TSBP1: variants seen among roughly 807,000 people sequenced by gnomAD.
The protein encoded by TSBP1 is testis-expressed basic protein 1.
Under a neutral mutation model 68.8 loss-of-function variants are expected in TSBP1, and 56 were observed. The observed-to-expected ratio is 0.81, with a 90% confidence interval of 0.66 to 1.02. The LOEUF (loss-of-function observed/expected upper bound fraction) is 1.02. TSBP1 is among the 50% of genes least tolerant of loss of function. The pLI, the probability that TSBP1 is intolerant of heterozygous loss-of-function variation, is 0.00. For synonymous variants in TSBP1, 171 were observed against 208.7 expected (o/e 0.82, Z 1.56); for missense variants, 502 against 641.2 (o/e 0.78, Z 2.34).
At chr6:32,324,782 CA>C (rs1768033458) in intron 16 of TSBP1, 4 of 1,436,054 alleles carry the variant, frequency 2.8e-6, no homozygotes, top group Non-Finnish European at 3.7e-6. Flanking sequence ...CTTGCTTGAA[CA>C]TTTTTTTTTT....
rs553672789 is a variant in TSBP1 at position 32,333,011 on chromosome 6, G to T, written c.473-957C>A. On this transcript the variant is annotated intron_variant, in intron 14 of 22. Coordinates refer to ENST00000612031, the Ensembl canonical transcript of TSBP1. This position sits in a 1 kb window ranked among gnomAD's most constrained non-coding sequence, Gnocchi z 4.2. ...ATCGAAAGCCTGTTATGTTTTTTTT[G>T]TTGTTGTTTTTTTTTTAGACAGAGT... Among the ~76,000 whole-genome samples, 72 of 150,016 alleles carry T rather than the reference G, an allele frequency of 4.8e-4. No individual in the cohort carries two copies. Among genetic ancestry groups the T allele is most frequent in the African/African-American group, 6.4e-4 (26 of 40,802 alleles).
At chr6:32,295,110 C>T (rs775681704) in intron 22 of TSBP1, among the ~76,000 whole-genome samples, 6 of 151,922 alleles carry the variant, frequency 3.9e-5, no homozygotes, top group Non-Finnish European at 7.4e-5. Flanking sequence ...CCAAAGTGGG[C>T]GGATCACTTG....
In TSBP1 at chr6:32,335,539, C is replaced by A; in HGVS notation, c.452-82G>T. 1 of 1,023,786 alleles carries A rather than the reference C, an allele frequency of 9.8e-7. No individual in the cohort carries two copies. The highest frequency in any genetic ancestry group is 1.3e-6 in the Non-Finnish European group (1 of 783,074). 63.4% of individuals were successfully genotyped at this position (1,023,786 alleles called of 1,614,324 possible). On this transcript the variant is annotated intron_variant, in intron 13 of 22. Transcript: ENST00000612031. This position sits in a 1 kb window ranked among gnomAD's most constrained non-coding sequence, Gnocchi z 5.5. ...TTATTTATATACTTTAATTTGTATA[C>A]TTTCCCTAGTAGGAATCTGCATCAC...
In TSBP1 at chr6:32,338,189, A is replaced by G. The variant is rs1469872873; in HGVS notation, c.409+790T>C. Among the ~76,000 whole-genome samples the G allele has an allele frequency of 6.6e-6, 1 of 152,150 alleles. No individual in the cohort carries two copies. The highest frequency in any genetic ancestry group is 2.4e-5 in the African/African-American group (1 of 41,430). On this transcript the variant is annotated intron_variant, in intron 11 of 22. Transcript: ENST00000612031. This position sits in a 1 kb window ranked among gnomAD's most constrained non-coding sequence, Gnocchi z 5.5. ...CAGAGAATTAAAATCCTGTAGAGCA[A>G]TGGTTCTTAAACGTTGGTATGCACG...
chr6:32,362,414 C>T (rs1218059043), intron 6 of TSBP1, among the ~76,000 whole-genome samples: 1 of 152,232 alleles, frequency 6.6e-6, no homozygotes, highest in Non-Finnish European at 1.5e-5. Context: ...TCTCTTGCGC[C>T]ACATGCGCCC....
intron 17 of TSBP1, chr6:32,323,352 A>G: frequency 1.4e-6 from 1 of 689,832 alleles, no homozygotes; most frequent in Non-Finnish European, 2.7e-6. Flanking sequence ...AGGTAATGTA[A>G]TTAAAGCACT....
chr6:32,325,270 A>T lies in TSBP1; in HGVS notation c.515-1656T>A. The T allele has an allele frequency of 7.4e-7, 1 of 1,347,654 alleles. No homozygotes were observed. Among genetic ancestry groups the T allele is most frequent in the Non-Finnish European group, 1.0e-6 (1 of 971,152 alleles). The allele number at this position is 1,347,654 out of a possible 1,614,324, so 83.5% of individuals were successfully genotyped here. A position where few individuals can be genotyped will look rare whatever the true frequency, so the allele number is the denominator to read the frequency against. Reference sequence around the variant, plus strand: ...GCCAGAACAACTGAGGAAGCTCTTCATTGGAGGGTTGAGCTTTGAAACAAC... The same window carrying T: ...GCCAGAACAACTGAGGAAGCTCTTCTTTGGAGGGTTGAGCTTTGAAACAAC... On this transcript the variant is annotated intron_variant, in intron 16 of 22. Coordinates refer to ENST00000612031, the Ensembl canonical transcript of TSBP1. This position sits in a 1 kb window ranked among gnomAD's most constrained non-coding sequence, Gnocchi z 4.4.
At chr6:32,348,479 T>TTTTGTATGTTTGTTTTAGAAA (rs780708414) in intron 9 of TSBP1, among the ~76,000 whole-genome samples, 13 of 130,532 alleles carry the variant, frequency 1.0e-4, no homozygotes, top group Non-Finnish European at 8.7e-5. Context: ...TATTTTATAT[T>TTTTGTATGTTTGTTTTAGAAA]AATTTACATT....
At chr6:32,367,052 C>CGTGTGT (rs3038518) in intron 4 of TSBP1, among the ~76,000 whole-genome samples, 5,819 of 148,414 alleles carry the variant, frequency 0.039, 247 homozygotes, top group African/African-American at 0.11. Context: ...ATGCTTGTAG[C>CGTGTGT]GTGTGTGTGT....
chr6:32,330,697 C>T (rs1768908523), intron 15 of TSBP1, 88 bp from the exon 17 acceptor site: 1 of 1,421,920 alleles, frequency 7.0e-7, no homozygotes, highest in Non-Finnish European at 9.5e-7. Flanking sequence ...GAGACAGAGT[C>T]TCTCACTCTG....
chr6:32,325,942 G>A lies in TSBP1; in HGVS notation c.515-2328C>T. On this transcript the variant is annotated intron_variant, in intron 16 of 22. Transcript: ENST00000612031. The surrounding 1 kb of genome is among the most constrained non-coding windows in gnomAD (Gnocchi z 4.4). The stretch of plus-strand genomic sequence containing the variant: ...TGGTGGATATGGTGGCAGTGAGGAT[G>A]GCTATAATGGATTTGGTAATGATGG... The A allele has an allele frequency of 6.4e-7, 1 of 1,561,992 alleles. No individual in the cohort carries two copies. The highest frequency in any genetic ancestry group is 8.7e-7 in the Non-Finnish European group (1 of 1,147,460).
intron 18 of TSBP1, among the ~76,000 whole-genome samples, chr6:32,318,657 AT>A (rs748633391): frequency 6.6e-6 from 1 of 152,214 alleles, no homozygotes; most frequent in Non-Finnish European, 1.5e-5. Flanking sequence ...AAGACCTCCT[AT>A]TGTTTGATTC....
intron 18 of TSBP1, among the ~76,000 whole-genome samples, chr6:32,318,209 A>C (rs1281828573): frequency 3.3e-5 from 5 of 152,210 alleles, no homozygotes; most frequent in Non-Finnish European, 5.9e-5. Context: ...GAGAGAACCA[A>C]ATACCACATG....
Position 32,330,624 on chromosome 6 carries a change from C to T in TSBP1, c.494-15G>A, listed in dbSNP as rs555644572. ...AGGATATTGTACTAAAAAATAGAAA[C>T]AAACAAATTAAACACACACACACAC... On this transcript the variant is annotated splice_polypyrimidine_tract_variant and intron_variant, in intron 15 of 22. Coordinates refer to ENST00000612031, the Ensembl canonical transcript of TSBP1. 1 of 1,550,744 alleles carries T rather than the reference C, an allele frequency of 6.4e-7. No homozygotes were observed. The highest frequency in any genetic ancestry group is 1.8e-5 in the Admixed American group (1 of 56,276).
intron 22 of TSBP1, among the ~76,000 whole-genome samples, chr6:32,297,777 G>A (rs1764860080): frequency 6.6e-6 from 1 of 151,934 alleles, no homozygotes; most frequent in Admixed American, 6.6e-5. Flanking sequence ...ATATCAACTG[G>A]GGCCGATGCA....
At chr6:32,311,402 A>C (rs1766387100) in intron 19 of TSBP1, among the ~76,000 whole-genome samples, 1 of 152,148 alleles carries the variant, frequency 6.6e-6, no homozygotes, top group African/African-American at 2.4e-5. Context: ...TCCCAAATTG[A>C]CAAGTAGGAT....
chr6:32,309,463 G>A (rs1281078075), intron 19 of TSBP1, among the ~76,000 whole-genome samples: 1 of 151,980 alleles, frequency 6.6e-6, no homozygotes, highest in Non-Finnish European at 1.5e-5. Flanking sequence ...GAGTTTCTAT[G>A]TTCTTGAATA....
Position 32,343,504 on chromosome 6 carries a change from C to T in TSBP1, c.350-3866G>A, listed in dbSNP as rs1465813891. Among the ~76,000 whole-genome samples the T allele has an allele frequency of 6.6e-6, 1 of 152,142 alleles. No individual in the cohort carries two copies. Among genetic ancestry groups the T allele is most frequent in the Non-Finnish European group, 1.5e-5 (1 of 68,020 alleles). On this transcript the variant is annotated intron_variant, in intron 9 of 22. Coordinates refer to ENST00000612031, the Ensembl canonical transcript of TSBP1. This position sits in a 1 kb window ranked among gnomAD's most constrained non-coding sequence, Gnocchi z 4.3. ...ATATTTCCAATATTCTGATTTCATTCACCACCTTTCTCCTGTCTTTTCCGT... is the reference window on the plus strand; with the variant it reads ...ATATTTCCAATATTCTGATTTCATTTACCACCTTTCTCCTGTCTTTTCCGT...
intron 20 of TSBP1, 120 bp from the exon 24 acceptor site, chr6:32,300,820 G>A (rs1203603640): frequency 1.2e-6 from 1 of 831,426 alleles, no homozygotes; most frequent in African/African-American, 1.7e-5. Context: ...TTATTTAAAT[G>A]TGAAGAAACT....
Sources: gnomAD v4.1 joint callset for allele counts (sites outside exome capture counted in the v4.1 genomes callset) on GRCh38, gnomAD v4.1.1 for gene constraint, Gnocchi (gnomAD v3.1) non-coding constraint, MANE v1.5 for transcripts, NCBI Gene and HGNC (gene_info 2026-07-23, HGNC 2026-07-21) for gene names.